NME2: variants seen among roughly 807,000 people sequenced by gnomAD.
The protein encoded by NME2 is nucleoside diphosphate kinase B.
A neutral mutation model predicts 17.8 loss-of-function variants in NME2; 18 were observed. That is an observed-to-expected ratio of 1.01 (90% CI 0.70 to 1.50). NME2 has a LOEUF of 1.50. Ranked by LOEUF, NME2 falls within the 40% of genes most tolerant of loss-of-function variation. The probability of loss-of-function intolerance (pLI) is 0.00; values close to 1 mark genes in which losing one functional copy is unlikely to be tolerated. For missense variants in NME2, 161 were observed against 195.6 expected, an observed-to-expected ratio of 0.82 and a Z score of 1.05; for synonymous variants, 74 against 71.4, an observed-to-expected ratio of 1.04 and a Z score of -0.19.
At chr17:51,169,084 C>T (rs1004302275) in intron 3 of NME2, among the ~76,000 whole-genome samples, 4 of 152,130 alleles carry the variant, frequency 2.6e-5, no homozygotes, top group Non-Finnish European at 4.4e-5. Flanking sequence ...AAGAAGTTCT[C>T]AATCCTATAC....
chr17:51,170,201 GTGCCAT>G, intron 4 of NME2, 152 bp downstream of exon 4: 1 of 617,072 alleles, frequency 1.6e-6, no homozygotes, highest in South Asian at 2.4e-5. Context: ...GAGTGCAGTG[GTGCCAT>G]CTCTGCTCAC....
intron 2 of NME2, chr17:51,167,201 C>T: frequency 1.2e-6 from 1 of 825,346 alleles, no homozygotes; most frequent in South Asian, 1.9e-5. Context: ...TTCCTTCCCG[C>T]GGGCCGCTAC....
upstream of NME2, among the ~76,000 whole-genome samples, chr17:51,166,115 CTGTGTG>C (rs34942810): frequency 0.15 from 22,883 of 148,884 alleles, 2,027 homozygotes; most frequent in African/African-American, 0.24. Context: ...GGAGCAGGTT[CTGTGTG>C]TGTGTGTGTG....
chr17:51,171,393 G>T, intron 4 of NME2, 94 bp from the exon 5 acceptor site: 1 of 1,031,258 alleles, frequency 9.7e-7, no homozygotes, highest in Non-Finnish European at 1.5e-6. Context: ...TGGCAATTTG[G>T]CTGAAAGAGT....
intron 1 of NME2, 53 bp from the exon 2 acceptor site, chr17:51,166,745 AGGGACCGGCGGCGCCCACGTGGCCTCCGC>A (rs1440447083): frequency 4.3e-6 from 6 of 1,394,816 alleles, no homozygotes; most frequent in Non-Finnish European, 5.6e-6. Context: ...GTGGGGGAGG[AGGGACCGGCGGCGCCCACGTGGCCTCCGC>A]GGGCCCCGCC....
intron 2 of NME2, chr17:51,168,029 T>A (rs2049984061): frequency 3.1e-6 from 1 of 324,908 alleles, no homozygotes; most frequent in South Asian, 6.6e-5. Flanking sequence ...AAAAGAACAG[T>A]CTTTCTGTTA....
chr17:51,169,157 G>T (rs1294905059), intron 3 of NME2, among the ~76,000 whole-genome samples: 1 of 151,812 alleles, frequency 6.6e-6, no homozygotes, highest in Non-Finnish European at 1.5e-5. Context: ...TATGAGGAGA[G>T]AGTGGCTGGG....
At position 51,168,537 on chromosome 17, in the gene NME2, G is replaced by T. The variant is rs549233787; in HGVS notation, c.228+194G>T. On this transcript the variant is annotated intron_variant, in intron 3 of 4. Coordinates refer to ENST00000512737, the MANE Select transcript of NME2 (RefSeq NM_002512.4). ...GGGAAGGATGTTAGCTGGGTGTGGTGGTGCACGGCTGTAATCTCAGCTACT... is the reference window on the plus strand; with the variant it reads ...GGGAAGGATGTTAGCTGGGTGTGGTTGTGCACGGCTGTAATCTCAGCTACT... Among the ~76,000 whole-genome samples, 301 of 152,250 alleles carry T rather than the reference G, an allele frequency of 2.0e-3. 5 individuals carry two copies. The highest frequency in any genetic ancestry group is 5.1e-4 in the Non-Finnish European group (35 of 68,016).
chr17:51,169,439 CAAAAA>C (rs35598805), intron 3 of NME2: 8 of 99,146 alleles, frequency 8.1e-5, no homozygotes, highest in Non-Finnish European at 1.2e-4. Context: ...GACTCTGTCT[CAAAAA>C]AAAAAAAAAA....
chr17:51,170,160 T>C (rs954527723), intron 4 of NME2, 111 bp downstream of exon 4: 25 of 827,028 alleles, frequency 3.0e-5, no homozygotes, highest in East Asian at 9.5e-5. Flanking sequence ...TTTTTTTTTT[T>C]CTTGAGACGG....
At chr17:51,167,209 T>G in intron 2 of NME2, 21 of 694,748 alleles carry the variant, frequency 3.0e-5, no homozygotes, top group East Asian at 4.8e-5. Flanking sequence ...CGCGGGCCGC[T>G]ACCTGCCCAC....
intron 2 of NME2, 189 bp downstream of exon 2, chr17:51,167,145 T>A: frequency 7.8e-7 from 1 of 1,287,994 alleles, no homozygotes; most frequent in South Asian, 1.5e-5. Context: ...CAGACGCCCT[T>A]GGGAAGGTGA....
chr17:51,168,282 A>C lies in NME2; in HGVS notation c.167A>C (p.Lys56Thr). The stretch of plus-strand genomic sequence containing the variant: ...CTGAAGCAGCACTACATTGACCTGA[A>C]AGACCGACCATTCTTCCCTGGGCTG... Reference protein sequence around the residue: ...EHLKQHYIDLKDRPFFPGLVK... With the variant: ...EHLKQHYIDLTDRPFFPGLVK... The change falls in exon 3 of 5, where the codon AAA becomes ACA. Residue 56 changes from lysine (K) to threonine (T), a missense_variant. Coordinates refer to ENST00000512737, the MANE Select transcript of NME2 (RefSeq NM_002512.4). 6.2e-7 allele frequency: 1 copy of C among 1,613,944 alleles called. No homozygotes were observed. The highest frequency in any genetic ancestry group is 8.5e-7 in the Non-Finnish European group (1 of 1,179,896).
upstream of NME2, chr17:51,165,554 C>T: frequency 6.6e-6 from 1 of 152,556 alleles, no homozygotes. Flanking sequence ...TTGCCAGGGA[C>T]ACTGCAAGTA....
chr17:51,170,620 G>A (rs540778790), intron 4 of NME2, among the ~76,000 whole-genome samples: 20 of 151,526 alleles, frequency 1.3e-4, no homozygotes, highest in East Asian at 5.9e-4. Context: ...CATGAACCCC[G>A]TCTCTACTAA....
chr17:51,171,597 A>G lies in NME2; in HGVS notation c.452A>G (p.Tyr151Cys). The G allele has an allele frequency of 6.2e-7, 1 of 1,612,986 alleles. No homozygotes were observed. Among genetic ancestry groups the G allele is most frequent in the African/African-American group, 1.3e-5 (1 of 75,044 alleles). The change falls in exon 5 of 5, where the codon TAT becomes TGT. Residue 151 changes from tyrosine to cysteine, a missense_variant. Tyr to Cys is a radical substitution (Grantham distance 194, BLOSUM62 -2). Transcript: ENST00000512737. ...DYKSCAHDWV[Y>C]E ...AAGTCTTGTGCTCATGACTGGGTCT[A>G]TGAATAAGAGGTGGACACAACAGCA...
rs200352081 is a variant in NME2 at position 51,166,808 on chromosome 17, C to T, written c.-4-19C>T. On this transcript the variant is annotated intron_variant, in intron 1 of 4. Coordinates refer to ENST00000512737, the MANE Select transcript of NME2 (RefSeq NM_002512.4). ...CCAGAGCCTGCGCCCGGGCCCTGAC[C>T]GCACCTCTCGCCCCGCAGGACCATG... 1 of 1,601,648 alleles carries T rather than the reference C, an allele frequency of 6.2e-7. No homozygotes were observed. Among genetic ancestry groups the T allele is most frequent in the Non-Finnish European group, 8.5e-7 (1 of 1,174,900 alleles).
Position 51,170,039 on chromosome 17 carries a change from C to T in NME2, c.331C>T (p.Gln111Ter). ...CACCATTCGTGGGGACTTCTGCATT[C>T]AGGTTGGCAGGTAAGTCCGGGGACA... ...PGTIRGDFCI[Q>*]VGRNIIHGSD... The change falls in exon 4 of 5, where the codon CAG (glutamine) becomes TAG (stop). Residue 111 changes from glutamine (Q) to a stop codon, truncating the protein, a stop_gained. Transcript: ENST00000512737. LOFTEE classifies it high-confidence loss of function. 2.5e-6 allele frequency: 4 copies of T among 1,607,320 alleles called. No individual in the cohort carries two copies. Among genetic ancestry groups the T allele is most frequent in the Non-Finnish European group, 3.4e-6 (4 of 1,177,190 alleles).
chr17:51,166,249 G>C (rs1197202215), upstream of NME2: 3 of 152,316 alleles, frequency 2.0e-5, no homozygotes, highest in Non-Finnish European at 2.9e-5. Flanking sequence ...ATCACTTCCT[G>C]TCTCTGGATC....
Sources: gnomAD v4.1 joint callset for allele counts (sites outside exome capture counted in the v4.1 genomes callset) on GRCh38, gnomAD v4.1.1 for gene constraint, MANE v1.5 for transcripts, NCBI Gene and HGNC (gene_info 2026-07-23, HGNC 2026-07-21) for gene names.